Variants in AOPEP observed in about 807,000 individuals in gnomAD.
AOPEP encodes the protein aminopeptidase O (putative), also known as aminopeptidase O.
A neutral mutation model predicts 98.1 loss-of-function variants in AOPEP; 77 were observed. The ratio of observed to expected loss-of-function variants is 0.78; its 90% confidence interval spans 0.65 to 0.95. AOPEP has a LOEUF of 0.95. Among genes scored for constraint, AOPEP ranks in the 40% least tolerant of loss-of-function variants. The pLI, the probability that AOPEP is intolerant of heterozygous loss-of-function variation, is 0.00. For synonymous variants in AOPEP, 346 were observed against 365.3 expected, an observed-to-expected ratio of 0.95 and a Z score of 0.60; for missense variants, 1,024 against 1,024.7, an observed-to-expected ratio of 1.00 and a Z score of 0.01.
chr9:95,094,888 ACTC>A, the AOPEP span, among the ~76,000 whole-genome samples: 1 of 151,026 alleles, frequency 6.6e-6, no homozygotes, highest in Non-Finnish European at 1.5e-5. Context: ...CTGGTCTTGA[ACTC>A]CTGACCTCGT....
chr9:95,041,785 C>T (rs974041376), intron 13 of AOPEP, among the ~76,000 whole-genome samples: 2 of 151,970 alleles, frequency 1.3e-5, no homozygotes, highest in South Asian at 2.1e-4. Flanking sequence ...CCTCGGCCTC[C>T]GTGGCGCTAT....
chr9:95,148,099 TCAC>T, the AOPEP span, among the ~76,000 whole-genome samples: 1 of 152,172 alleles, frequency 6.6e-6, no homozygotes, highest in Non-Finnish European at 1.5e-5. Context: ...ACGCTACTCT[TCAC>T]CACCACACAC....
intron 1 of AOPEP, among the ~76,000 whole-genome samples, chr9:94,728,660 G>C (rs1436516964): frequency 6.6e-6 from 1 of 152,188 alleles, no homozygotes; most frequent in Non-Finnish European, 1.5e-5. Flanking sequence ...TTGGAAACAG[G>C]AAGATGCTGA....
chr9:94,976,780 C>T (rs2059874964), intron 10 of AOPEP, among the ~76,000 whole-genome samples: 1 of 152,116 alleles, frequency 6.6e-6, no homozygotes, highest in South Asian at 2.1e-4. Context: ...CATTCTCCCA[C>T]CTCAGCCTCC....
At chr9:95,024,309 G>A (rs1171889707) in intron 13 of AOPEP, among the ~76,000 whole-genome samples, 2 of 152,208 alleles carry the variant, frequency 1.3e-5, no homozygotes, top group East Asian at 1.9e-4. Flanking sequence ...CATAGTCCGT[G>A]TCCTTGTTGG....
chr9:94,917,172 C>A (rs961254396), intron 5 of AOPEP, among the ~76,000 whole-genome samples: 1 of 152,148 alleles, frequency 6.6e-6, no homozygotes, highest in Non-Finnish European at 1.5e-5. Context: ...GTCTCCACAA[C>A]GTTCTCTCGG....
chr9:95,004,953 C>T (rs1032281176), intron 11 of AOPEP: 1 of 146,052 alleles, frequency 6.8e-6, no homozygotes, highest in Non-Finnish European at 1.5e-5. Flanking sequence ...CCCGCGCCGC[C>T]GCCCAGGCCC....
At chr9:95,099,707 C>T in the AOPEP span, 4 of 232,346 alleles carry the variant, frequency 1.7e-5, no homozygotes, top group African/African-American at 6.6e-5. Context: ...CCCAGGAACC[C>T]CTGGCTGCCC....
At chr9:94,752,939 C>T (rs1454024910) in intron 1 of AOPEP, among the ~76,000 whole-genome samples, 2 of 152,150 alleles carry the variant, frequency 1.3e-5, no homozygotes, top group South Asian at 2.1e-4. Flanking sequence ...TGCCAGCTAC[C>T]ATAGAAGATG....
At chr9:94,979,633 C>T (rs998426916) in intron 11 of AOPEP, among the ~76,000 whole-genome samples, 6 of 152,162 alleles carry the variant, frequency 3.9e-5, no homozygotes, top group African/African-American at 9.7e-5. Flanking sequence ...TTCAAGTGAC[C>T]GTGGTATACG....
intron 13 of AOPEP, among the ~76,000 whole-genome samples, chr9:95,035,255 A>G (rs1052777605): frequency 2.6e-5 from 4 of 151,806 alleles, no homozygotes; most frequent in Non-Finnish European, 4.4e-5. Context: ...CATTGATGAC[A>G]TACCAGTTTT....
intron 3 of AOPEP, among the ~76,000 whole-genome samples, chr9:94,782,047 G>T (rs1843384525): frequency 6.6e-6 from 1 of 151,376 alleles, no homozygotes; most frequent in South Asian, 2.1e-4. Flanking sequence ...AAAAAAATTA[G>T]CCGGGCGTGG....
chr9:94,936,888 A>G (rs1401004268), intron 7 of AOPEP, among the ~76,000 whole-genome samples: 2 of 152,246 alleles, frequency 1.3e-5, no homozygotes, highest in Non-Finnish European at 2.9e-5. Flanking sequence ...TATTATAAAG[A>G]TATTACAAGG....
Position 95,086,747 on chromosome 9 carries a change from C to T in AOPEP, c.*70C>T. Reference sequence around the variant, plus strand: ...CCTGGGGGACCAGGCTCGAACTGACCCTGGACATCAAAGGAGGGATTATGT... The same window carrying T: ...CCTGGGGGACCAGGCTCGAACTGACTCTGGACATCAAAGGAGGGATTATGT... On this transcript the variant is annotated 3_prime_UTR_variant, in exon 17 of 17. Transcript: ENST00000375315. The T allele has an allele frequency of 2.0e-6, 2 of 988,096 alleles. No individual in the cohort carries two copies. The highest frequency in any genetic ancestry group is 2.4e-6 in the Non-Finnish European group (2 of 830,252). 61.2% of individuals were successfully genotyped at this position (988,096 alleles called of 1,614,324 possible). A position where few individuals can be genotyped will look rare whatever the true frequency, so the allele number is the denominator to read the frequency against.
chr9:95,128,156 T>C, the AOPEP span, among the ~76,000 whole-genome samples: 1 of 152,280 alleles, frequency 6.6e-6, no homozygotes, highest in South Asian at 2.1e-4. Flanking sequence ...CTGTAAATAA[T>C]AAAAGTTATT....
chr9:95,134,205 C>T, the AOPEP span, among the ~76,000 whole-genome samples: 3 of 152,114 alleles, frequency 2.0e-5, no homozygotes, highest in Admixed American at 1.3e-4. Flanking sequence ...GAAACGGGAT[C>T]GCGGAGGAAG....
At position 94,984,235 on chromosome 9, in the gene AOPEP, G is replaced by C. The variant is rs370370832; in HGVS notation, c.1977+4808G>C. ...TTTTTAATAGAGACGGGGTTTCACC[G>C]TGTTAGGATGGTCTCGATCTCCTGA... On this transcript the variant is annotated intron_variant, in intron 11 of 16. Transcript: ENST00000375315. 2.0e-5 allele frequency among the ~76,000 whole-genome samples: 3 copies of C among 152,070 alleles called. No individual in the cohort carries two copies. In the East Asian group the frequency reaches 5.8e-4, roughly 29 times the overall value.
intron 1 of AOPEP, among the ~76,000 whole-genome samples, chr9:94,730,911 G>A (rs1331773595): frequency 2.6e-5 from 4 of 152,156 alleles, no homozygotes; most frequent in African/African-American, 9.7e-5. Context: ...ACTAAGTAAA[G>A]CATGTCTTGT....
At chr9:94,990,692 T>G (rs1355001516) in intron 11 of AOPEP, among the ~76,000 whole-genome samples, 1 of 152,102 alleles carries the variant, frequency 6.6e-6, no homozygotes, top group Non-Finnish European at 1.5e-5. Flanking sequence ...TGGCGTGATC[T>G]CGGCTCACTG....
Sources: gnomAD v4.1 joint callset for allele counts (sites outside exome capture counted in the v4.1 genomes callset) on GRCh38, gnomAD v4.1.1 for gene constraint, MANE v1.5 for transcripts, NCBI Gene and HGNC (gene_info 2026-07-23, HGNC 2026-07-21) for gene names.